PHTF2: variants seen among roughly 807,000 people sequenced by gnomAD.
PHTF2 encodes putative homeodomain transcription factor 2.
In PHTF2, 60 loss-of-function variants were observed where a neutral mutation model predicts 101.2. That is an observed-to-expected ratio of 0.59 (90% CI 0.48 to 0.73). PHTF2 has a LOEUF of 0.73. PHTF2 is among the 30% of genes least tolerant of loss of function. PHTF2 has a pLI of 0.00. For missense variants in PHTF2, 747 were observed against 908.7 expected (o/e 0.82, Z 2.29); for synonymous variants, 311 against 307.3 (o/e 1.01, Z -0.13).
Position 77,900,679 on chromosome 7 carries a change from A to G in PHTF2, c.217-32A>G, listed in dbSNP as rs1356747897. 3 of 1,083,492 alleles carry G rather than the reference A, an allele frequency of 2.8e-6. No individual in the cohort carries two copies. In the African/African-American group the frequency reaches 4.6e-5, roughly 17 times the overall value. The allele number at this position is 1,083,492 out of a possible 1,614,324, so 67.1% of individuals were successfully genotyped here. On this transcript the variant is annotated intron_variant, in intron 5 of 19. Transcript: ENST00000416283. Reference sequence around the variant, plus strand: ...TCCTGTTCTAGATTTAAGTATATATACAATTCCAATGCTTCTTTTGATATA... The same window carrying G: ...TCCTGTTCTAGATTTAAGTATATATGCAATTCCAATGCTTCTTTTGATATA...
exon 9 of PHTF2, chr7:77,910,265 A>G (rs1236491891): frequency 3.7e-6 from 6 of 1,612,300 alleles, no homozygotes; most frequent in Non-Finnish European, 5.1e-6. Flanking sequence ...AAAGCAGCCC[A>G]TTTGGAAGTA....
At position 77,852,644 on chromosome 7, in the gene PHTF2, A is replaced by G. The variant is rs552148329; in HGVS notation, c.46-2089A>G. On this transcript the variant is annotated intron_variant, in intron 2 of 19. Transcript: ENST00000416283. The stretch of plus-strand genomic sequence containing the variant: ...TATATATCACAAATACAGTGTTACA[A>G]TATTCTGTGTTTGTCTGTGTACTTA... 1.7e-4 allele frequency among the ~76,000 whole-genome samples: 26 copies of G among 152,236 alleles called. No homozygotes were observed. In the South Asian group the frequency reaches 2.9e-3, roughly 17 times the overall value.
intron 16 of PHTF2, among the ~76,000 whole-genome samples, chr7:77,945,776 A>G (rs1806002175): frequency 6.6e-6 from 1 of 152,208 alleles, no homozygotes; most frequent in Admixed American, 6.5e-5. Context: ...GGACTCAAAA[A>G]GTAATTGAAA....
chr7:77,931,836 T>C lies in PHTF2; in HGVS notation c.1338+2509T>C, dbSNP rs559908359. Among the ~76,000 whole-genome samples the C allele has an allele frequency of 1.2e-4, 18 of 152,324 alleles. No individual in the cohort carries two copies. In the South Asian group the frequency reaches 2.7e-3, roughly 23 times the overall value. ...GATAAAACAGTATACAGCAGTGAAA[T>C]TGAATGAACTCGGCTGCATGTATCA... On this transcript the variant is annotated intron_variant, in intron 12 of 19. Transcript: ENST00000416283.
intron 3 of PHTF2, among the ~76,000 whole-genome samples, chr7:77,871,910 C>T (rs1798550360): frequency 1.3e-5 from 2 of 152,136 alleles, no homozygotes; most frequent in South Asian, 4.1e-4. Flanking sequence ...GTAGTCTTGG[C>T]AGAAGCTTGC....
At chr7:77,937,373 T>C (rs139565105) in intron 12 of PHTF2, among the ~76,000 whole-genome samples, 18 of 152,310 alleles carry the variant, frequency 1.2e-4, no homozygotes, top group Admixed American at 2.6e-4. Context: ...CATGTTTTAG[T>C]ATATTTTTGA....
intron 7 of PHTF2, among the ~76,000 whole-genome samples, chr7:77,903,765 T>G (rs549829573): frequency 1.3e-5 from 2 of 152,216 alleles, no homozygotes; most frequent in Non-Finnish European, 2.9e-5. Context: ...CTCGGCAGGC[T>G]GCCATTACCT....
chr7:77,951,972 T>C (rs1471273196), intron 18 of PHTF2, among the ~76,000 whole-genome samples: 2 of 152,094 alleles, frequency 1.3e-5, no homozygotes, highest in East Asian at 3.8e-4. Flanking sequence ...TCTTTGGAAA[T>C]GTATGCCTCC....
chr7:77,845,964 T>G (rs941397861), intron 2 of PHTF2, among the ~76,000 whole-genome samples: 5 of 152,180 alleles, frequency 3.3e-5, no homozygotes, highest in Non-Finnish European at 5.9e-5. Flanking sequence ...CGTCTGCCTC[T>G]TTTTTTCCTA....
chr7:77,927,639 C>G (rs540384426), intron 11 of PHTF2, among the ~76,000 whole-genome samples: 1 of 152,170 alleles, frequency 6.6e-6, no homozygotes, highest in Non-Finnish European at 1.5e-5. Flanking sequence ...AGTGATCACT[C>G]TAGGTAGGTG....
At chr7:77,833,220 C>G (rs1795201645) in intron 1 of PHTF2, among the ~76,000 whole-genome samples, 1 of 152,054 alleles carries the variant, frequency 6.6e-6, no homozygotes, top group Admixed American at 6.6e-5. Context: ...CAAAATCTTC[C>G]TTGTTTTAGA....
At chr7:77,858,311 GT>G in intron 3 of PHTF2, among the ~76,000 whole-genome samples, 1 of 152,028 alleles carries the variant, frequency 6.6e-6, no homozygotes, top group Non-Finnish European at 1.5e-5. Flanking sequence ...AATAATTTGG[GT>G]TTTAGTTTTA....
At chr7:77,864,737 A>G (rs940700611) in intron 3 of PHTF2, among the ~76,000 whole-genome samples, 5 of 151,424 alleles carry the variant, frequency 3.3e-5, no homozygotes, top group East Asian at 1.9e-4. Context: ...TAGTGCTCCT[A>G]TGGGAAAGTT....
chr7:77,907,071 T>C (rs1801935882), intron 7 of PHTF2, among the ~76,000 whole-genome samples: 2 of 152,114 alleles, frequency 1.3e-5, no homozygotes, highest in Non-Finnish European at 2.9e-5. Context: ...ATGTATGCTG[T>C]GTACTATGTA....
chr7:77,920,491 G>A, intron 10 of PHTF2, 26 bp downstream of exon 9: 1 of 1,584,272 alleles, frequency 6.3e-7, no homozygotes, highest in Non-Finnish European at 8.7e-7. Flanking sequence ...AAAATAGTTT[G>A]CCTATGTGAT....
chr7:77,956,241 T>A (rs189751752), exon 20 of PHTF2: 1 of 152,716 alleles, frequency 6.5e-6, no homozygotes, highest in Non-Finnish European at 1.5e-5. Context: ...ATGTGGAATA[T>A]CCTCATATTT....
intron 2 of PHTF2, among the ~76,000 whole-genome samples, chr7:77,843,814 T>A (rs150446602): frequency 6.6e-6 from 1 of 152,296 alleles, no homozygotes; most frequent in East Asian, 1.9e-4. Context: ...AAATAACACA[T>A]CTGTCTTAAA....
intron 6 of PHTF2, 39 bp downstream of exon 5, chr7:77,900,819 T>G: frequency 9.9e-7 from 1 of 1,009,982 alleles, no homozygotes; most frequent in Non-Finnish European, 1.6e-6. Context: ...AAGTAGACAT[T>G]GTTCTGGAAG....
At chr7:77,912,832 A>C (rs575563301) in intron 9 of PHTF2, among the ~76,000 whole-genome samples, 7 of 141,364 alleles carry the variant, frequency 5.0e-5, no homozygotes, top group Admixed American at 7.7e-5. Flanking sequence ...TCCCAGGCTC[A>C]GGTGATTCTC....
Sources: gnomAD v4.1 joint callset for allele counts (sites outside exome capture counted in the v4.1 genomes callset) on GRCh38, gnomAD v4.1.1 for gene constraint, MANE v1.5 for transcripts, NCBI Gene and HGNC (gene_info 2026-07-23, HGNC 2026-07-21) for gene names.